Variants in ZBTB20 observed in about 807,000 individuals in gnomAD.
ZBTB20 encodes zinc finger and BTB domain containing 20, also known as zinc finger and BTB domain-containing protein 20.
ZBTB20 carries 9 observed loss-of-function variants against 56.9 expected under a neutral mutation model. The observed-to-expected ratio is 0.16, with a 90% CI of 0.10 to 0.28. The LOEUF is 0.28. Among genes scored for constraint, ZBTB20 ranks in the 10% least tolerant of loss-of-function variants. The pLI is 1.00. For missense variants in ZBTB20, 655 were observed against 1,003.0 expected, an observed-to-expected ratio of 0.65 and a Z score of 4.69; for synonymous variants, 417 against 420.7, an observed-to-expected ratio of 0.99 and a Z score of 0.11.
intron 5 of ZBTB20, among the ~76,000 whole-genome samples, chr3:114,748,318 CTTT>C (rs1560201860): frequency 8.1e-6 from 1 of 123,526 alleles, no homozygotes; most frequent in Non-Finnish European, 1.7e-5. Context: ...TTCTTTCTTT[CTTT>C]CTTTCTTTCT....
intron 7 of ZBTB20, among the ~76,000 whole-genome samples, chr3:114,491,678 C>A (rs550389770): frequency 2.4e-4 from 36 of 152,092 alleles, no homozygotes; most frequent in Non-Finnish European, 3.7e-4. Flanking sequence ...CACATTGGAT[C>A]TCTCCTCTCT....
At chr3:115,100,567 T>C (rs1308919995) in intron 1 of ZBTB20, 1 of 152,270 alleles carries the variant, frequency 6.6e-6, no homozygotes, top group Non-Finnish European at 1.5e-5. Flanking sequence ...AGGTTCAGTA[T>C]TGCCAGACTA....
At chr3:114,806,712 T>C (rs548885210) in intron 4 of ZBTB20, among the ~76,000 whole-genome samples, 19 of 152,144 alleles carry the variant, frequency 1.2e-4, no homozygotes, top group African/African-American at 4.6e-4. Flanking sequence ...CTTCTAGAAA[T>C]TTTATAATTT....
At chr3:114,763,041 A>G (rs1285087941) in intron 5 of ZBTB20, among the ~76,000 whole-genome samples, 1 of 152,190 alleles carries the variant, frequency 6.6e-6, no homozygotes, top group Non-Finnish European at 1.5e-5. Context: ...TACTTTATAT[A>G]AATACCTGAC....
intron 5 of ZBTB20, among the ~76,000 whole-genome samples, chr3:114,708,434 C>T (rs2063846844): frequency 6.6e-6 from 1 of 151,612 alleles, no homozygotes; most frequent in African/African-American, 2.4e-5. Flanking sequence ...GACTGTTGAC[C>T]CAGAAATCTC....
chr3:114,821,815 G>A (rs756725440), intron 4 of ZBTB20, among the ~76,000 whole-genome samples: 11 of 152,210 alleles, frequency 7.2e-5, no homozygotes, highest in South Asian at 2.1e-4. Flanking sequence ...AAATGAAGGC[G>A]TTCCTACAGG....
chr3:114,827,006 T>G (rs531427592), intron 4 of ZBTB20, among the ~76,000 whole-genome samples: 2 of 151,542 alleles, frequency 1.3e-5, no homozygotes, highest in South Asian at 4.2e-4. Context: ...TGCGTAAGGG[T>G]TTTTTTCCCT....
intron 1 of ZBTB20, among the ~76,000 whole-genome samples, chr3:115,072,559 G>A (rs781694198): frequency 1.1e-4 from 16 of 152,094 alleles, no homozygotes; most frequent in Admixed American, 2.6e-4. Flanking sequence ...TCACAGCAAC[G>A]CATAATCCAA....
intron 7 of ZBTB20, among the ~76,000 whole-genome samples, chr3:114,466,400 C>T (rs953004627): frequency 5.3e-5 from 8 of 152,158 alleles, no homozygotes; most frequent in African/African-American, 1.7e-4. Flanking sequence ...ATCTGTGATC[C>T]TGTCTTTTTC....
intron 4 of ZBTB20, among the ~76,000 whole-genome samples, chr3:114,832,405 T>C (rs2073900000): frequency 6.6e-6 from 1 of 152,090 alleles, no homozygotes; most frequent in Non-Finnish European, 1.5e-5. Flanking sequence ...TCATATACTT[T>C]ATTGTCCATC....
chr3:114,429,782 T>C (rs1288737037), intron 7 of ZBTB20, among the ~76,000 whole-genome samples: 3 of 152,194 alleles, frequency 2.0e-5, no homozygotes, highest in African/African-American at 7.2e-5. Flanking sequence ...ATAACAGCTA[T>C]TTACATAGAC....
At chr3:114,777,571 C>T (rs1399607073) in intron 5 of ZBTB20, among the ~76,000 whole-genome samples, 5 of 151,974 alleles carry the variant, frequency 3.3e-5, no homozygotes, top group East Asian at 1.9e-4. Flanking sequence ...GTTAGAATGG[C>T]GATCATTAAA....
intron 6 of ZBTB20, among the ~76,000 whole-genome samples, chr3:114,513,159 T>G (rs575613972): frequency 6.6e-6 from 1 of 152,204 alleles, no homozygotes; most frequent in Non-Finnish European, 1.5e-5. Context: ...AATGTATGTA[T>G]AGAGCAGCAA....
chr3:114,715,065 T>C (rs977321128), intron 5 of ZBTB20, among the ~76,000 whole-genome samples: 1 of 152,190 alleles, frequency 6.6e-6, no homozygotes, highest in Admixed American at 6.5e-5. Flanking sequence ...AGCAAATTTT[T>C]CTTTATTAAC....
At chr3:114,791,808 T>C (rs1459546249) in intron 5 of ZBTB20, 2 of 138,486 alleles carry the variant, frequency 1.4e-5, no homozygotes, top group African/African-American at 2.5e-5. Context: ...TTTATTTTCC[T>C]ACATCTTTGA....
chr3:114,370,643 A>G (rs1041250529), intron 10 of ZBTB20, among the ~76,000 whole-genome samples: 8 of 152,016 alleles, frequency 5.3e-5, no homozygotes, highest in Non-Finnish European at 1.2e-4. Flanking sequence ...TTTTCTCTCA[A>G]CAAAGACTTC....
At chr3:114,607,753 G>T (rs1193988238) in intron 6 of ZBTB20, among the ~76,000 whole-genome samples, 1 of 152,092 alleles carries the variant, frequency 6.6e-6, no homozygotes, top group Non-Finnish European at 1.5e-5. Flanking sequence ...GATTATCTTA[G>T]ACTAAACTAA....
At chr3:114,898,341 T>C (rs778288162) in intron 4 of ZBTB20, among the ~76,000 whole-genome samples, 2 of 152,162 alleles carry the variant, frequency 1.3e-5, no homozygotes, top group Non-Finnish European at 2.9e-5. Flanking sequence ...TACAGACTTC[T>C]TGTAATAAGT....
At chr3:114,380,642 GGC>G (rs2084210172) in intron 9 of ZBTB20, 133 bp downstream of exon 9, 14 of 1,298,300 alleles carry the variant, frequency 1.1e-5, no homozygotes, top group Non-Finnish European at 1.3e-5. Context: ...GGACTCTGTT[GGC>G]TGCATAAAAA....
Sources: gnomAD v4.1 joint callset for allele counts (sites outside exome capture counted in the v4.1 genomes callset) on GRCh38, gnomAD v4.1.1 for gene constraint, MANE v1.5 for transcripts, NCBI Gene and HGNC (gene_info 2026-07-23, HGNC 2026-07-21) for gene names.